The following FANCD2 variants were observed in gnomAD, a reference collection of about 807,000 sequenced individuals.
FANCD2 encodes Fanconi anemia group D2 protein.
FANCD2 carries 131 observed loss-of-function variants against 192.3 expected under a neutral mutation model. The observed-to-expected ratio is 0.68, with a 90% confidence interval of 0.59 to 0.79. The LOEUF (loss-of-function observed/expected upper bound fraction) is 0.79. Ranked by LOEUF, FANCD2 falls within the 30% of genes least tolerant of loss-of-function variation. The pLI is 0.00. For missense variants in FANCD2, 1,508 were observed against 1,701.6 expected, an observed-to-expected ratio of 0.89 and a Z score of 2.00; for synonymous variants, 524 against 612.5, an observed-to-expected ratio of 0.86 and a Z score of 2.13.
At chr3:10,047,097 G>A (rs1424777709) in intron 15 of FANCD2, among the ~76,000 whole-genome samples, 2 of 152,290 alleles carry the variant, frequency 1.3e-5, no homozygotes, top group South Asian at 2.1e-4. Flanking sequence ...ATAGTGTTTT[G>A]CCAGCTGAAC....
chr3:10,090,161 C>A, intron 36 of FANCD2, 131 bp from the exon 37 acceptor site: 1 of 690,654 alleles, frequency 1.4e-6, no homozygotes, highest in East Asian at 2.8e-5. Context: ...CCCCCATCCT[C>A]TTACTAAGGA....
At chr3:10,096,807 A>G (rs1018206494) in intron 42 of FANCD2, among the ~76,000 whole-genome samples, 2 of 152,220 alleles carry the variant, frequency 1.3e-5, no homozygotes, top group African/African-American at 2.4e-5. Flanking sequence ...ACATTTTTGT[A>G]TAGGGACAAA....
At chr3:10,053,446 G>A (rs1413815805) in intron 18 of FANCD2, among the ~76,000 whole-genome samples, 1 of 151,762 alleles carries the variant, frequency 6.6e-6, no homozygotes, top group Non-Finnish European at 1.5e-5. Context: ...GTTAGTGGGT[G>A]CAGCACACCA....
chr3:10,039,420 G>T, intron 8 of FANCD2, 63 bp downstream of exon 8: 1 of 1,383,282 alleles, frequency 7.2e-7, no homozygotes, highest in East Asian at 2.3e-5. Context: ...TTTGGAGGTT[G>T]TATTTTTTTT....
intron 26 of FANCD2, among the ~76,000 whole-genome samples, chr3:10,070,999 C>G (rs1229360462): frequency 1.4e-4 from 20 of 143,980 alleles, no homozygotes; most frequent in African/African-American, 1.3e-4. Context: ...TGCGGAAGGC[C>G]GCAGGGTCCT....
Position 10,088,320 on chromosome 3 carries a change from T to G in FANCD2, c.3467-129T>G, listed in dbSNP as rs542442381. ...TGACAGCTTTTTGTAAGTTGCCTGT[T>G]AGACCGGGAACGTCTTAGTAAATCT... is the stretch of plus-strand genomic sequence containing the variant. On this transcript the variant is annotated intron_variant, in intron 34 of 43. Coordinates refer to ENST00000675286, the MANE Select transcript of FANCD2 (RefSeq NM_001018115.3). 2.0e-5 allele frequency: 15 copies of G among 735,184 alleles called. No homozygotes were observed. The African/African-American group carries it at 2.6e-4, about 13-fold the overall frequency. 45.5% of individuals were successfully genotyped at this position (735,184 alleles called of 1,614,324 possible). A position where few individuals can be genotyped will look rare whatever the true frequency, so the allele number is the denominator to read the frequency against.
chr3:10,061,008 GAGCAAAGAA>G (rs1465912704), intron 19 of FANCD2, among the ~76,000 whole-genome samples: 4 of 152,158 alleles, frequency 2.6e-5, no homozygotes, highest in African/African-American at 9.7e-5. Flanking sequence ...ACAATGGTGG[GAGCAAAGAA>G]AGCAAAGACA....
At chr3:10,040,088 G>A in intron 9 of FANCD2, 1 of 494,162 alleles carries the variant, frequency 2.0e-6, no homozygotes, top group South Asian at 2.7e-5. Context: ...AGGCTGGAGT[G>A]CAGTGGTGCG....
chr3:10,044,272 T>C (rs2086941231), intron 14 of FANCD2, among the ~76,000 whole-genome samples: 1 of 152,188 alleles, frequency 6.6e-6, no homozygotes, highest in African/African-American at 2.4e-5. Flanking sequence ...TACTTTACTT[T>C]GCTCATGTAG....
intron 2 of FANCD2, among the ~76,000 whole-genome samples, chr3:10,031,828 C>G (rs1358931822): frequency 1.3e-5 from 2 of 152,070 alleles, no homozygotes; most frequent in African/African-American, 4.8e-5. Flanking sequence ...CTCAGTAACT[C>G]TGGTATATGG....
chr3:10,096,394 C>T lies in FANCD2; in HGVS notation c.4107C>T (p.Cys1369=), dbSNP rs1325356208. ...LLKKTLELLV[C]RVKAMLTLNN... is the part of the protein sequence containing the mutation. The stretch of plus-strand genomic sequence containing the variant: ...AAAAGACCCTGGAACTTTTAGTTTG[C>T]AGAGTCAAAGCTATGCTCACTCTCA... Residue 1369 remains cysteine (C), a synonymous_variant, in exon 42 of 44, where the codon TGC becomes TGT. Transcript: ENST00000675286. 3.7e-6 allele frequency: 6 copies of T among 1,613,960 alleles called. No homozygotes were observed. Among genetic ancestry groups the T allele is most frequent in the Non-Finnish European group, 5.1e-6 (6 of 1,179,932 alleles).
At position 10,088,668 on chromosome 3, in the gene FANCD2, G is replaced by T. The variant is rs1306609174; in HGVS notation, c.3560+126G>T. 8.3e-6 allele frequency: 9 copies of T among 1,090,024 alleles called. No homozygotes were observed. The Admixed American group carries it at 9.4e-5, about 11-fold the overall frequency. 67.5% of individuals were successfully genotyped at this position (1,090,024 alleles called of 1,614,324 possible). ...GAAAACAATGAAGTAGGTTAAAAAT[G>T]AACACAATTTGGAACATGTGGATCT... On this transcript the variant is annotated intron_variant, in intron 35 of 43. Transcript: ENST00000675286.
intron 20 of FANCD2, among the ~76,000 whole-genome samples, chr3:10,063,503 T>G (rs544849970): frequency 3.3e-5 from 5 of 152,326 alleles, no homozygotes; most frequent in African/African-American, 1.2e-4. Context: ...GCAATACATT[T>G]TTATTTCATT....
rs200380315 is a variant in FANCD2, at chr3:10,046,665, T to G, written c.1220T>G (p.Ile407Ser). 7 of 1,614,266 alleles carry G rather than the reference T, an allele frequency of 4.3e-6. No individual in the cohort carries two copies. In the African/African-American group the frequency reaches 9.3e-5, roughly 21 times the overall value. Residue 407 changes from isoleucine to serine, a missense_variant, in exon 15 of 44, where the codon ATT becomes AGT. Ile to Ser is a moderately radical substitution (Grantham distance 142). Around this residue, in one of 5 missense-constraint regions of FANCD2, gnomAD observed 108 missense variants for 174.1 expected, o/e 0.62. Coordinates refer to ENST00000675286, the MANE Select transcript of FANCD2 (RefSeq NM_001018115.3). ...ATTGACAGGGTGCTAAGAAATAAGA[T>G]TCGATCAGGCTGCATTCAAGAACAG... Reference protein sequence around the residue: ...KYIDRVLRNKIRSGCIQEQLL... With the variant: ...KYIDRVLRNKSRSGCIQEQLL...
chr3:10,048,150 AC>A (rs2087084007), intron 16 of FANCD2, 99 bp downstream of exon 16: 2 of 1,400,110 alleles, frequency 1.4e-6, no homozygotes, highest in African/African-American at 2.8e-5. Flanking sequence ...AGGGGAAGGA[AC>A]TCTGACCTGG....
chr3:10,042,764 C>A, intron 11 of FANCD2, 101 bp downstream of exon 11: 1 of 939,584 alleles, frequency 1.1e-6, no homozygotes. Context: ...ATCCGGATAG[C>A]ATTCAGAGGA....
intron 7 of FANCD2, among the ~76,000 whole-genome samples, chr3:10,037,878 A>G (rs529515657): frequency 2.4e-4 from 36 of 152,350 alleles, no homozygotes; most frequent in Non-Finnish European, 4.0e-4. Flanking sequence ...AAGAAGATAC[A>G]CACATACACA....
rs2125090824 is a variant in FANCD2 at position 10,094,363 on chromosome 3, G to A, written c.3963G>A (p.Arg1321=). Residue 1321 remains arginine, a splice_region_variant and synonymous_variant, in exon 40 of 44, where the codon CGG becomes CGA. Coordinates refer to ENST00000675286, the MANE Select transcript of FANCD2 (RefSeq NM_001018115.3). The stretch of plus-strand genomic sequence containing the variant: ...TAGACTTCAGTTTTAGAAAACACCG[G>A]GTAAGAGCTAAGAGCAGAGAACAAA... ...PLLDFSFRKH[R]EDVLSLLETF... The A allele has an allele frequency of 6.2e-7, 1 of 1,612,600 alleles. No homozygotes were observed. The highest frequency in any genetic ancestry group is 1.1e-5 in the South Asian group (1 of 91,052).
intron 17 of FANCD2, among the ~76,000 whole-genome samples, chr3:10,050,916 CCT>C (rs1369772117): frequency 6.6e-6 from 1 of 151,256 alleles, no homozygotes; most frequent in Non-Finnish European, 1.5e-5. Flanking sequence ...AGAAAGCCCT[CCT>C]CTACTAAAAA....
Sources: allele counts gnomAD v4.1 joint callset (sites outside exome capture counted in the v4.1 genomes callset), GRCh38; gene constraint gnomAD v4.1.1; regional missense constraint gnomAD v4.1.1; transcripts MANE v1.5; gene names NCBI Gene and HGNC (gene_info 2026-07-23, HGNC 2026-07-21).